Variants in UNC13B observed in about 807,000 individuals in gnomAD.
UNC13B encodes protein unc-13 homolog B.
A neutral mutation model predicts 211.0 loss-of-function variants in UNC13B; 144 were observed. That is an observed-to-expected ratio of 0.68 (90% CI 0.60 to 0.78). The LOEUF is 0.78. Ranked by LOEUF, UNC13B falls within the 30% of genes least tolerant of loss-of-function variation. The pLI, the probability that UNC13B is intolerant of heterozygous loss-of-function variation, is 0.00. For missense variants in UNC13B, 1,777 were observed against 2,002.0 expected (o/e 0.89, Z 2.14); for synonymous variants, 709 against 725.8 (o/e 0.98, Z 0.37).
At chr9:35,215,949 A>G (rs768194460) in intron 1 of UNC13B, among the ~76,000 whole-genome samples, 1 of 152,192 alleles carries the variant, frequency 6.6e-6, no homozygotes, top group South Asian at 2.1e-4. Context: ...AATAAATACT[A>G]AGGCCATTTT....
At position 35,305,008 on chromosome 9, in the gene UNC13B, T is replaced by C; in HGVS notation, c.5604T>C (p.Ala1868=). 1 of 398,934 alleles carries C rather than the reference T, an allele frequency of 2.5e-6. No individual in the cohort carries two copies. The highest frequency in any genetic ancestry group is 4.4e-6 in the Non-Finnish European group (1 of 226,010). 24.7% of individuals were successfully genotyped at this position (398,934 alleles called of 1,614,324 possible). A position where few individuals can be genotyped will look rare whatever the true frequency, so the allele number is the denominator to read the frequency against. The change falls in exon 9 of 40, where the codon GCT becomes GCC. Residue 1868 remains alanine (A), a synonymous_variant. Coordinates refer to ENST00000635942, the MANE Select transcript of UNC13B (RefSeq NM_001371189.2). ...AGGTAAGCCAAACAACTCCTCAGGCTAAATCAGGTGTAAAAGATGATGAAA... is the reference window on the plus strand; with the variant it reads ...AGGTAAGCCAAACAACTCCTCAGGCCAAATCAGGTGTAAAAGATGATGAAA... The part of the protein sequence containing the change: ...GFQVSQTTPQ[A]KSGVKDDEII...
At position 35,381,226 on chromosome 9, in the gene UNC13B, C is replaced by T. The variant is rs1834811597; in HGVS notation, c.10491+11C>T. The T allele has an allele frequency of 6.2e-7, 1 of 1,608,056 alleles. No individual in the cohort carries two copies. Among genetic ancestry groups the T allele is most frequent in the African/African-American group, 1.3e-5 (1 of 74,768 alleles). On this transcript the variant is annotated intron_variant, in intron 19 of 39. Coordinates refer to ENST00000635942, the MANE Select transcript of UNC13B (RefSeq NM_001371189.2). The stretch of plus-strand genomic sequence containing the variant: ...ACATGTCTCCATGAGGTGAGCCAGC[C>T]CTTGGTAGGTGGGGGATCAGAAAGC...
intron 11 of UNC13B, among the ~76,000 whole-genome samples, chr9:35,320,543 A>G (rs1253841486): frequency 6.6e-6 from 1 of 152,130 alleles, no homozygotes; most frequent in Non-Finnish European, 1.5e-5. Flanking sequence ...AACATATAGA[A>G]TTATTTATAT....
chr9:35,394,144 G>T (rs946505234), intron 26 of UNC13B, among the ~76,000 whole-genome samples: 1 of 152,264 alleles, frequency 6.6e-6, no homozygotes, highest in Non-Finnish European at 1.5e-5. Context: ...ATTTAACTGG[G>T]TATGAATAAA....
intron 11 of UNC13B, among the ~76,000 whole-genome samples, chr9:35,336,991 C>T (rs1260317310): frequency 1.3e-5 from 2 of 152,048 alleles, no homozygotes; most frequent in Non-Finnish European, 2.9e-5. Context: ...TAAGTGAGTG[C>T]AAGGGGTTTG....
intron 37 of UNC13B, among the ~76,000 whole-genome samples, chr9:35,401,113 T>C (rs1384331834): frequency 6.6e-6 from 1 of 152,190 alleles, no homozygotes; most frequent in Non-Finnish European, 1.5e-5. Flanking sequence ...ATTCTGACGC[T>C]GGAGCAGAGC....
At chr9:35,381,010 C>T in intron 18 of UNC13B, 90 bp from the exon 19 acceptor site, 6 of 1,290,572 alleles carry the variant, frequency 4.6e-6, no homozygotes, top group Non-Finnish European at 6.4e-6. Context: ...CTTGGGTTGG[C>T]CCCTTCTCTT....
At chr9:35,357,581 T>A (rs1304218982) in intron 11 of UNC13B, among the ~76,000 whole-genome samples, 1 of 150,732 alleles carries the variant, frequency 6.6e-6, no homozygotes, top group African/African-American at 2.4e-5. Flanking sequence ...TTTTATTGTT[T>A]TTTTTTTTTT....
intron 6 of UNC13B, among the ~76,000 whole-genome samples, chr9:35,250,488 T>G (rs1418626965): frequency 6.6e-6 from 1 of 152,272 alleles, no homozygotes; most frequent in Non-Finnish European, 1.5e-5. Context: ...TTTTACCATG[T>G]AAATAAATTC....
At chr9:35,167,715 G>A (rs1408837858) in intron 1 of UNC13B, among the ~76,000 whole-genome samples, 2 of 147,990 alleles carry the variant, frequency 1.4e-5, no homozygotes, top group Non-Finnish European at 3.0e-5. Flanking sequence ...AGCCTCTTGA[G>A]TAGCTGGGAT....
intron 3 of UNC13B, among the ~76,000 whole-genome samples, chr9:35,233,800 G>T (rs1364218985): frequency 1.3e-5 from 2 of 152,150 alleles, no homozygotes; most frequent in Non-Finnish European, 1.5e-5. Flanking sequence ...CTATACACGT[G>T]TTTATGTATA....
chr9:35,180,456 A>G (rs765502000), intron 1 of UNC13B, among the ~76,000 whole-genome samples: 11 of 152,162 alleles, frequency 7.2e-5, no homozygotes, highest in Non-Finnish European at 7.3e-5. Context: ...TTCTATCCAT[A>G]CCATCAGATT....
chr9:35,235,618 T>C (rs1825455792), intron 3 of UNC13B, among the ~76,000 whole-genome samples: 1 of 151,998 alleles, frequency 6.6e-6, no homozygotes, highest in African/African-American at 2.4e-5. Flanking sequence ...TTTGTATTTT[T>C]AGTAGAGACA....
rs1834841044 is a variant in UNC13B at position 35,381,589 on chromosome 9, A to G, written c.10525A>G (p.Ser3509Gly). 1 of 1,614,174 alleles carries G rather than the reference A, an allele frequency of 6.2e-7. No homozygotes were observed. Among genetic ancestry groups the G allele is most frequent in the Non-Finnish European group, 8.5e-7 (1 of 1,180,010 alleles). ...LFHYLTDIQGSGGVRIPEARG... is the reference protein window; with the variant it reads ...LFHYLTDIQGGGGVRIPEARG... Reference sequence around the variant, plus strand: ...CCATTACCTCACAGACATTCAGGGCAGTGGAGGAGTCCGCATCCCTGAAGC... The same window carrying G: ...CCATTACCTCACAGACATTCAGGGCGGTGGAGGAGTCCGCATCCCTGAAGC... Residue 3509 changes from serine (S) to glycine (G), a missense_variant, in exon 20 of 40, where the codon AGT (serine) becomes GGT (glycine). Coordinates refer to ENST00000635942, the MANE Select transcript of UNC13B (RefSeq NM_001371189.2).
chr9:35,309,420 G>T (rs1441229542), intron 9 of UNC13B, among the ~76,000 whole-genome samples: 2 of 152,128 alleles, frequency 1.3e-5, no homozygotes, highest in African/African-American at 4.8e-5. Flanking sequence ...GAAAATAACA[G>T]TGATTTCTCT....
At chr9:35,387,512 T>C (rs1220494986) in intron 24 of UNC13B, among the ~76,000 whole-genome samples, 1 of 152,222 alleles carries the variant, frequency 6.6e-6, no homozygotes, top group African/African-American at 2.4e-5. Flanking sequence ...TTTGTTTTAC[T>C]TGATACATTC....
Position 35,399,448 on chromosome 9 carries a change from G to A in UNC13B, c.12255G>A (p.Lys4085=), listed in dbSNP as rs754602181. ...AGCTGAGCCATCTTTCCAAACTCAA[G>A]GTACTCTGGGTGTGGGGTCCTCCTG... ...AKELSHLSKL[K]DHMVREETRN... Residue 4085 remains lysine (K), a splice_region_variant and synonymous_variant, in exon 35 of 40, where the codon AAG becomes AAA. Transcript: ENST00000635942. 1.2e-6 allele frequency: 2 copies of A among 1,614,064 alleles called. No individual in the cohort carries two copies. The highest frequency in any genetic ancestry group is 1.7e-6 in the Non-Finnish European group (2 of 1,180,004).
chr9:35,224,947 T>A (rs1342961938), intron 1 of UNC13B, among the ~76,000 whole-genome samples: 2 of 151,614 alleles, frequency 1.3e-5, no homozygotes, highest in African/African-American at 4.9e-5. Flanking sequence ...ATCATCTCAA[T>A]AGACATAGAA....
chr9:35,282,200 G>A (rs1240489843), intron 7 of UNC13B, among the ~76,000 whole-genome samples: 2 of 152,054 alleles, frequency 1.3e-5, no homozygotes, highest in Non-Finnish European at 2.9e-5. Context: ...TTAGTATAAG[G>A]TAGGTAAAAG....
Sources: allele counts gnomAD v4.1 joint callset (sites outside exome capture counted in the v4.1 genomes callset), GRCh38; gene constraint gnomAD v4.1.1; transcripts MANE v1.5; gene names NCBI Gene and HGNC (gene_info 2026-07-23, HGNC 2026-07-21).